SEC16A: variants seen among roughly 807,000 people sequenced by gnomAD.
The protein encoded by SEC16A is protein transport protein Sec16A.
A neutral mutation model predicts 221.9 loss-of-function variants in SEC16A; 110 were observed. That is an observed-to-expected ratio of 0.50 (90% confidence interval 0.42 to 0.58). The LOEUF (loss-of-function observed/expected upper bound fraction) is 0.58. SEC16A is among the 20% of genes least tolerant of loss of function. SEC16A has a pLI of 0.00. For synonymous variants in SEC16A, 1,393 were observed against 1,257.7 expected, an observed-to-expected ratio of 1.11 and a Z score of -2.28; for missense variants, 3,165 against 3,097.8, an observed-to-expected ratio of 1.02 and a Z score of -0.52.
intron 28 of SEC16A, among the ~76,000 whole-genome samples, chr9:136,446,515 T>TAAGG (rs913338453): frequency 6.6e-6 from 1 of 152,064 alleles, no homozygotes; most frequent in African/African-American, 2.4e-5. Context: ...CTCTGTAACT[T>TAAGG]AGAGTAATTA....
chr9:136,484,442 GC>G, upstream of SEC16A: 1 of 1,202,102 alleles, frequency 8.3e-7, no homozygotes, highest in Non-Finnish European at 1.1e-6. Flanking sequence ...TGAGGAAGCG[GC>G]CAGCCATGCC....
chr9:136,476,672 G>A lies in SEC16A; in HGVS notation c.944C>T (p.Pro315Leu). ...NPRIVNHWAS[P>L]ELRQNPGVKN... ...CACTCCTGGATTCTGCCTGAGCTCT[G>A]GGCTTGCCCAGTGATTCACAATTCT... Residue 315 changes from proline to leucine, a missense_variant, in exon 3 of 32, where the codon CCA (proline) becomes CTA (leucine). By Grantham distance (98) the Pro-to-Leu change is moderately conservative (BLOSUM62 -3). Transcript: ENST00000684901. The A allele has an allele frequency of 1.9e-6, 3 of 1,569,890 alleles. No homozygotes were observed. In the Middle Eastern group the frequency reaches 5.1e-4, roughly 268 times the overall value.
intron 18 of SEC16A, 134 bp downstream of exon 18, chr9:136,457,310 C>T (rs1838811866): frequency 2.1e-6 from 2 of 970,932 alleles, no homozygotes; most frequent in Non-Finnish European, 2.9e-6. Flanking sequence ...TCTTTATCCG[C>T]CCAAGAGGCA....
chr9:136,476,438 CCTG>C lies in SEC16A; in HGVS notation c.1175_1177del (p.Ala392del), dbSNP rs528265906. 1.1e-5 allele frequency: 17 copies of C among 1,612,964 alleles called. No homozygotes were observed. The highest frequency in any genetic ancestry group is 1.2e-5 in the Non-Finnish European group (14 of 1,179,830). On this transcript the variant is annotated inframe_deletion, in exon 3 of 32. Transcript: ENST00000684901. ...GTCAAAGTCCGCTTGACCAGATAAG[CCTG>C]CTTTTTCAGATGAGAGATTCTCCTC...
chr9:136,480,245 C>T (rs1268691420), intron 1 of SEC16A, among the ~76,000 whole-genome samples: 2 of 152,214 alleles, frequency 1.3e-5, no homozygotes, highest in African/African-American at 2.4e-5. Flanking sequence ...CCTGCAACCA[C>T]GGCCAGAACA....
intron 5 of SEC16A, 34 bp downstream of exon 5, chr9:136,468,381 G>T: frequency 1.4e-6 from 2 of 1,449,484 alleles, no homozygotes; most frequent in Non-Finnish European, 1.9e-6. Context: ...CAAGGCACCT[G>T]CTAAGGCCAG....
intron 19 of SEC16A, 56 bp downstream of exon 19, chr9:136,455,997 A>G: frequency 7.1e-7 from 1 of 1,412,086 alleles, no homozygotes; most frequent in Non-Finnish European, 9.9e-7. Context: ...TGGAAATGAC[A>G]GGGACAGAAG....
In SEC16A at chr9:136,454,307, C is replaced by T. The variant is rs533127181; in HGVS notation, c.5878G>A (p.Gly1960Ser). 9.5e-6 allele frequency: 15 copies of T among 1,577,540 alleles called. No homozygotes were observed. The highest frequency in any genetic ancestry group is 7.4e-5 in the Admixed American group (4 of 54,044). ...ACTCTGGCAGGACTGGCCAATGGGCCGTCAGGGAGCGTCTGCGGAGCTGCA... is the reference window on the plus strand; with the variant it reads ...ACTCTGGCAGGACTGGCCAATGGGCTGTCAGGGAGCGTCTGCGGAGCTGCA... ...LPSAPQTLPD[G>S]PLASPARVPM... The change falls in exon 21 of 32, where the codon GGC becomes AGC. Residue 1960 changes from glycine to serine, a missense_variant. By Grantham distance (56) the Gly-to-Ser change is moderately conservative. Transcript: ENST00000684901.
Position 136,460,026 on chromosome 9 carries a change from A to G in SEC16A, c.5073+16T>C. 1 of 1,594,160 alleles carries G rather than the reference A, an allele frequency of 6.3e-7. No homozygotes were observed. Among genetic ancestry groups the G allele is most frequent in the African/African-American group, 1.3e-5 (1 of 74,642 alleles). On this transcript the variant is annotated intron_variant, in intron 14 of 31. Coordinates refer to ENST00000684901, the MANE Select transcript of SEC16A (RefSeq NM_014866.2). ...GGCAGTGGAGCCTGTGCAAGCCACC[A>G]GGCAGTGCCACTCACCGTGGACGCG...
intron 29 of SEC16A, 40 bp downstream of exon 29, chr9:136,445,605 G>A (rs1360872251): frequency 6.9e-7 from 1 of 1,453,094 alleles, no homozygotes; most frequent in African/African-American, 1.4e-5. Context: ...CTGCTGGGGA[G>A]GCCTGGGCTG....
rs534772431 is a variant in SEC16A at position 136,464,469 on chromosome 9, T to C, written c.4397A>G (p.Asn1466Ser). The C allele has an allele frequency of 1.2e-5, 20 of 1,612,926 alleles. No homozygotes were observed. Among genetic ancestry groups the C allele is most frequent in the Admixed American group, 1.2e-4 (7 of 60,020 alleles). Residue 1466 changes from asparagine to serine, a missense_variant, in exon 9 of 32, where the codon AAT becomes AGT. By Grantham distance (46) the Asn-to-Ser change is conservative (BLOSUM62 1). This residue lies in a region of SEC16A where 47 missense variants were observed against 85.0 expected (regional missense o/e 0.55). Coordinates refer to ENST00000684901, the MANE Select transcript of SEC16A (RefSeq NM_014866.2). Reference protein sequence around the residue: ...PGGQLIKVIPNLPSEGQPALV... With the variant: ...PGGQLIKVIPSLPSEGQPALV... ...GGCCGGCTGTCCTTCTGAAGGCAGA[T>C]TGGGAATCACTTTGATAAGCTGACC... is the stretch of plus-strand genomic sequence containing the variant.
chr9:136,454,339 C>A lies in SEC16A; in HGVS notation c.5858-12G>T. ...GAGCGTCTGCGGAGCTGCATGGGAA[C>A]GGTGGAGAAGAGGTCTGGGGTTACT... is the stretch of plus-strand genomic sequence containing the variant. On this transcript the variant is annotated splice_polypyrimidine_tract_variant and intron_variant, in intron 20 of 31. Transcript: ENST00000684901. The A allele has an allele frequency of 6.4e-7, 1 of 1,562,098 alleles. No individual in the cohort carries two copies. Among genetic ancestry groups the A allele is most frequent in the Non-Finnish European group, 8.7e-7 (1 of 1,153,264 alleles).
At chr9:136,472,446 G>C (rs1271858049) in intron 3 of SEC16A, among the ~76,000 whole-genome samples, 4 of 152,312 alleles carry the variant, frequency 2.6e-5, no homozygotes, top group African/African-American at 7.2e-5. Context: ...AACCCCAGGG[G>C]GCTGTGGCGA....
At chr9:136,471,637 A>G (rs537132745) in intron 4 of SEC16A, among the ~76,000 whole-genome samples, 3 of 152,166 alleles carry the variant, frequency 2.0e-5, no homozygotes, top group Non-Finnish European at 4.4e-5. Flanking sequence ...CCCATTAGCA[A>G]ATGGCCGGAC....
chr9:136,462,966 C>T lies in SEC16A; in HGVS notation c.4814G>A (p.Gly1605Asp), dbSNP rs1210753637. The T allele has an allele frequency of 6.2e-7, 1 of 1,608,436 alleles. No homozygotes were observed. The highest frequency in any genetic ancestry group is 8.5e-7 in the Non-Finnish European group (1 of 1,179,872). ...SGEAQLSFLT[G>D]GPAAAASSLE... ...CGAGCTGGCGGCAGCCGCCGGACCA[C>T]CAGTGAGGAAAGAGAGCTGGGCCTC... Residue 1605 changes from glycine to aspartate, a missense_variant, in exon 12 of 32, where the codon GGT (glycine) becomes GAT (aspartate). By Grantham distance (94) the Gly-to-Asp change is moderately conservative. Transcript: ENST00000684901.
chr9:136,467,194 G>A lies in SEC16A; in HGVS notation c.3803-111C>T, dbSNP rs904349029. The A allele has an allele frequency of 2.2e-5, 27 of 1,238,098 alleles. No individual in the cohort carries two copies. The East Asian group carries it at 6.4e-4, about 29-fold the overall frequency. 76.7% of individuals were successfully genotyped at this position (1,238,098 alleles called of 1,614,324 possible). A position where few individuals can be genotyped will look rare whatever the true frequency, so the allele number is the denominator to read the frequency against. On this transcript the variant is annotated intron_variant, in intron 5 of 31. Transcript: ENST00000684901. ...GGACTTTATGCTCCAAGGACTCCTC[G>A]AGAAACCCAGCTTCTTCCTGGAAAC...
rs751319352 is a variant in SEC16A at position 136,475,580 on chromosome 9, A to G, written c.2036T>C (p.Leu679Pro). 21 of 1,613,420 alleles carry G rather than the reference A, an allele frequency of 1.3e-5. No homozygotes were observed. Among genetic ancestry groups the G allele is most frequent in the Non-Finnish European group, 1.8e-5 (21 of 1,179,788 alleles). The change falls in exon 3 of 32, where the codon CTT becomes CCT. Residue 679 changes from leucine (L) to proline (P), a missense_variant. Transcript: ENST00000684901. The surrounding 1 kb of genome is among the most constrained non-coding windows in gnomAD (Gnocchi z 5.0). ...GTGCACAGCTTCCGTGGTGGAGTTAAGAGGCAGGGGACAGACCTGGGGTGC... is the reference window on the plus strand; with the variant it reads ...GTGCACAGCTTCCGTGGTGGAGTTAGGAGGCAGGGGACAGACCTGGGGTGC... Reference protein sequence around the residue: ...LCAPQVCPLPLNSTTEAVHML... With the variant: ...LCAPQVCPLPPNSTTEAVHML...
intron 17 of SEC16A, 136 bp from the exon 18 acceptor site, chr9:136,457,720 C>A: frequency 9.1e-7 from 1 of 1,103,164 alleles, no homozygotes; most frequent in Non-Finnish European, 1.3e-6. Context: ...CTGGACACTT[C>A]ACTCATCATC....
rs764284805 is a variant in SEC16A, at chr9:136,447,428, C to G, written c.6560-64G>C. 15 of 1,574,750 alleles carry G rather than the reference C, an allele frequency of 9.5e-6. No individual in the cohort carries two copies. The highest frequency in any genetic ancestry group is 5.7e-5 in the Admixed American group (3 of 53,086). ...AGGTGGCCTCCAGCTTCCAAATGCT[C>G]TGCGCTCACTGCGTCAGAGGAAAAG... On this transcript the variant is annotated intron_variant, in intron 26 of 31. Transcript: ENST00000684901. This position sits in a 1 kb window ranked among gnomAD's most constrained non-coding sequence, Gnocchi z 5.5.
Sources: gnomAD v4.1 joint callset for allele counts (sites outside exome capture counted in the v4.1 genomes callset) on GRCh38, gnomAD v4.1.1 for gene constraint, gnomAD v4.1.1 regional missense constraint, Gnocchi (gnomAD v3.1) non-coding constraint, MANE v1.5 for transcripts, NCBI Gene and HGNC (gene_info 2026-07-23, HGNC 2026-07-21) for gene names.